Variants in GK observed in about 807,000 individuals in gnomAD.
The protein encoded by GK is glycerol kinase.
In GK, 9 loss-of-function variants were observed where a neutral mutation model predicts 56.4. The ratio of observed to expected loss-of-function variants is 0.16; its 90% confidence interval spans 0.10 to 0.28. The LOEUF is 0.28. Among genes scored for constraint, GK ranks in the 10% least tolerant of loss-of-function variants. The pLI, the probability that GK is intolerant of heterozygous loss-of-function variation, is 1.00. For synonymous variants in GK, 104 were observed against 144.1 expected, an observed-to-expected ratio of 0.72 and a Z score of 1.99; for missense variants, 161 against 431.4, an observed-to-expected ratio of 0.37 and a Z score of 5.55.
chrX:30,679,819 C>T (rs1167152573), intron 4 of GK, among the ~76,000 whole-genome samples: 1 of 111,263 alleles, frequency 9.0e-6, no homozygotes, highest in Non-Finnish European at 1.9e-5. Flanking sequence ...ATAAAGGATA[C>T]AAATTATATT....
intron 13 of GK, among the ~76,000 whole-genome samples, chrX:30,711,264 T>A (rs1936312739): frequency 9.0e-6 from 1 of 110,803 alleles, no homozygotes; most frequent in Non-Finnish European, 1.9e-5. Flanking sequence ...TAACAATTGT[T>A]TTTCCCACAT....
chrX:30,704,128 T>TATATATATATATATA (rs1935848542), intron 11 of GK, among the ~76,000 whole-genome samples: 1 of 74,936 alleles, frequency 1.3e-5, no homozygotes, highest in African/African-American at 7.1e-5. Flanking sequence ...GTTATTCATT[T>TATATATATATATATA]TATATATATA....
chrX:30,726,005 C>A (rs757304287), intron 19 of GK, among the ~76,000 whole-genome samples: 2 of 110,857 alleles, frequency 1.8e-5, no homozygotes, highest in Admixed American at 1.9e-4. Context: ...CCATGCCTTA[C>A]ACACAGATAC....
chrX:30,653,751 C>A, intron 1 of GK, 136 bp downstream of exon 1: 1 of 575,980 alleles, frequency 1.7e-6, no homozygotes, highest in Non-Finnish European at 2.9e-6. Flanking sequence ...GAGGCCGGAA[C>A]GGGACCTGCC....
intron 11 of GK, among the ~76,000 whole-genome samples, chrX:30,701,180 C>T (rs1472443886): frequency 2.7e-5 from 3 of 111,984 alleles, no homozygotes; most frequent in Non-Finnish European, 1.9e-5. Context: ...GTGGCCGAGA[C>T]AGGTGGATCA....
chrX:30,659,817 C>G (rs1932609408), intron 1 of GK, among the ~76,000 whole-genome samples: 1 of 112,162 alleles, frequency 8.9e-6, no homozygotes, highest in Non-Finnish European at 1.9e-5. Context: ...GGTGTGATCT[C>G]AGCTTACTGC....
At chrX:30,689,715 A>G in intron 4 of GK, 1 of 256,327 alleles carries the variant, frequency 3.9e-6, no homozygotes, top group Non-Finnish European at 7.5e-6. Flanking sequence ...GCCCAGACCC[A>G]TTCCTGGAGC....
intron 3 of GK, among the ~76,000 whole-genome samples, chrX:30,675,031 A>G (rs1332217186): frequency 9.0e-6 from 1 of 111,147 alleles, no homozygotes; most frequent in Non-Finnish European, 1.9e-5. Flanking sequence ...AGGTGGGGTC[A>G]GTTGAAGGAA....
chrX:30,722,573 A>G (rs1304481862), intron 18 of GK, among the ~76,000 whole-genome samples: 1 of 111,739 alleles, frequency 8.9e-6, no homozygotes, highest in Non-Finnish European at 1.9e-5. Flanking sequence ...CCATAAACGA[A>G]TGGGCACCTA....
Position 30,663,150 on chromosome X carries a change from C to T in GK, c.79-2361C>T, listed in dbSNP as rs769098724. 4.5e-5 allele frequency among the ~76,000 whole-genome samples: 5 copies of T among 110,433 alleles called. No individual in the cohort carries two copies. The Middle Eastern group carries it at 0.014, about 303-fold the overall frequency. On this transcript the variant is annotated intron_variant, in intron 1 of 20. Coordinates refer to ENST00000427190, the MANE Select transcript of GK (RefSeq NM_001205019.2). ...CACCTGCTTCAGTCTCCCAAAGTGC[C>T]GGGCGTCAGCCACCGCGCCCGGCCA...
In GK at chrX:30,669,435, G is replaced by T. The variant is rs1196347195; in HGVS notation, c.259+1317G>T. On this transcript the variant is annotated intron_variant, in intron 3 of 20. Coordinates refer to ENST00000427190, the MANE Select transcript of GK (RefSeq NM_001205019.2). Reference sequence around the variant, plus strand: ...CTGACCTCGTGACCCGCCCGCCTCGGCCTCCCAAAGTGTTGGGATTACAGG... The same window carrying T: ...CTGACCTCGTGACCCGCCCGCCTCGTCCTCCCAAAGTGTTGGGATTACAGG... 3.6e-5 allele frequency among the ~76,000 whole-genome samples: 4 copies of T among 110,760 alleles called. No homozygotes were observed. The Admixed American group carries it at 3.9e-4, about 11-fold the overall frequency.
chrX:30,681,735 A>G (rs761245385), intron 4 of GK, among the ~76,000 whole-genome samples: 53 of 112,164 alleles, frequency 4.7e-4, no homozygotes, highest in African/African-American at 1.6e-3. Context: ...AGTGACCCTA[A>G]GACTTTCAGC....
chrX:30,675,565 C>T (rs1308870400), intron 3 of GK, among the ~76,000 whole-genome samples: 2 of 100,369 alleles, frequency 2.0e-5, no homozygotes, highest in Non-Finnish European at 4.0e-5. Context: ...GTTGCCCAGT[C>T]TGGAGTGCAG....
intron 4 of GK, among the ~76,000 whole-genome samples, chrX:30,687,340 A>T (rs941798609): frequency 2.7e-5 from 3 of 111,531 alleles, no homozygotes; most frequent in Middle Eastern, 4.6e-3. Flanking sequence ...TGAATCAGAG[A>T]TTCATACTGG....
chrX:30,691,361 C>G (rs894411794), intron 5 of GK, among the ~76,000 whole-genome samples, 162 bp downstream of exon 5: 1 of 110,842 alleles, frequency 9.0e-6, no homozygotes, highest in Admixed American at 9.7e-5. Context: ...TTTACCTTCC[C>G]GTCTTTCTTG....
chrX:30,686,705 A>G (rs935581277), intron 4 of GK, among the ~76,000 whole-genome samples: 43 of 111,878 alleles, frequency 3.8e-4, no homozygotes, highest in African/African-American at 1.3e-3. Context: ...AACTACATTT[A>G]TCTTCACTCT....
chrX:30,721,789 A>G (rs1011135104), intron 18 of GK: 15 of 112,600 alleles, frequency 1.3e-4, no homozygotes, highest in African/African-American at 1.9e-4. Flanking sequence ...GTAAGTGAAC[A>G]TTAGATATCT....
At chrX:30,671,291 C>CAAAAAAA (rs56822779) in intron 3 of GK, among the ~76,000 whole-genome samples, 93 of 27,288 alleles carry the variant, frequency 3.4e-3, no homozygotes, top group African/African-American at 0.011. Context: ...AACTCCATCT[C>CAAAAAAA]AAAAAAAAAA....
At chrX:30,661,693 C>T (rs907279944) in intron 1 of GK, among the ~76,000 whole-genome samples, 13 of 111,374 alleles carry the variant, frequency 1.2e-4, no homozygotes, top group African/African-American at 4.2e-4. Flanking sequence ...GCCCTGACAG[C>T]CCTATGTGAG....
Sources: gnomAD v4.1 joint callset for allele counts (sites outside exome capture counted in the v4.1 genomes callset) on GRCh38, gnomAD v4.1.1 for gene constraint, MANE v1.5 for transcripts, NCBI Gene and HGNC (gene_info 2026-07-23, HGNC 2026-07-21) for gene names.